DNAH3: variants seen among roughly 807,000 people sequenced by gnomAD.
The protein encoded by DNAH3 is dynein axonemal heavy chain 3.
A neutral mutation model predicts 432.5 loss-of-function variants in DNAH3; 332 were observed. The ratio of observed to expected loss-of-function variants is 0.77; its 90% CI spans 0.70 to 0.84. The LOEUF (loss-of-function observed/expected upper bound fraction) is 0.84, where lower values mean the gene tolerates loss of function less well. DNAH3 is among the 40% of genes least tolerant of loss of function. The pLI is 0.00. For synonymous variants in DNAH3, 1,956 were observed against 1,900.2 expected (o/e 1.03, Z -0.76); for missense variants, 4,861 against 5,114.0 (o/e 0.95, Z 1.51).
rs546771448 is a variant in DNAH3 at position 21,103,307 on chromosome 16, T to C, written c.2366+1164A>G. ...TACCACCTGTTCCCCCAAAAACCTA[T>C]GGAAAAAAAATCAGTTCCATAGAAA... On this transcript the variant is annotated intron_variant, in intron 16 of 61. Transcript: ENST00000261383. Among the ~76,000 whole-genome samples the C allele has an allele frequency of 6.2e-4, 73 of 117,620 alleles. No homozygotes were observed. In the Admixed American group the frequency reaches 8.2e-3, roughly 13 times the overall value. 77.2% of individuals were successfully genotyped at this position (117,620 alleles called of 152,430 possible).
intron 40 of DNAH3, 101 bp downstream of exon 40, chr16:21,021,870 T>G: frequency 7.0e-7 from 1 of 1,426,622 alleles, no homozygotes; most frequent in South Asian, 1.4e-5. Context: ...GCCACTGCAC[T>G]CTAGCCTTGG....
In DNAH3 at chr16:20,954,196, G is replaced by A. The variant is rs549110274; in HGVS notation, c.11071+617C>T. Reference sequence around the variant, plus strand: ...CAAGATCACAACACCACACTCCAGCGTGGGTGACAGAGTGAGACCCTATCT... The same window carrying A: ...CAAGATCACAACACCACACTCCAGCATGGGTGACAGAGTGAGACCCTATCT... On this transcript the variant is annotated intron_variant, in intron 55 of 61. Coordinates refer to ENST00000261383, the Ensembl canonical transcript of DNAH3. 3.3e-3 allele frequency among the ~76,000 whole-genome samples: 462 copies of A among 140,704 alleles called. 4 individuals are homozygous for A. The highest frequency in any genetic ancestry group is 0.012 in the African/African-American group (435 of 37,802). 92.3% of individuals were successfully genotyped at this position (140,704 alleles called of 152,430 possible).
chr16:21,051,742 G>T, exon 29 of DNAH3: 1 of 1,614,024 alleles, frequency 6.2e-7, no homozygotes, highest in Non-Finnish European at 8.5e-7. Flanking sequence ...GCCATACAAG[G>T]CTTCTGTGGT....
chr16:21,054,360 G>A (rs2090060153), intron 28 of DNAH3, 60 bp downstream of exon 28: 1 of 1,294,150 alleles, frequency 7.7e-7, no homozygotes, highest in Non-Finnish European at 1.1e-6. Flanking sequence ...ACTGAGATGA[G>A]CAAGACTAGA....
At chr16:20,958,072 A>ATTT (rs35285615) in intron 54 of DNAH3, among the ~76,000 whole-genome samples, 2 of 138,060 alleles carry the variant, frequency 1.4e-5, no homozygotes, top group Admixed American at 7.4e-5. Context: ...AAACAGTAGA[A>ATTT]TTTTTTTTTT....
At chr16:21,154,471 G>A (rs557385370) in intron 1 of DNAH3, among the ~76,000 whole-genome samples, 5 of 152,124 alleles carry the variant, frequency 3.3e-5, no homozygotes, top group South Asian at 2.1e-4. Flanking sequence ...GTGTGAGTAG[G>A]AGGTATGCTA....
intron 58 of DNAH3, among the ~76,000 whole-genome samples, chr16:20,942,740 T>C (rs1234951911): frequency 6.6e-6 from 1 of 152,072 alleles, no homozygotes; most frequent in Non-Finnish European, 1.5e-5. Context: ...AGGATTTGTT[T>C]CTCTCTTCAT....
chr16:20,989,858 G>A (rs372807089), intron 44 of DNAH3, among the ~76,000 whole-genome samples: 3 of 152,244 alleles, frequency 2.0e-5, no homozygotes, highest in African/African-American at 4.8e-5. Flanking sequence ...GGGGGACCCA[G>A]TACACCCTCC....
chr16:21,115,288 T>C (rs1160511064), intron 12 of DNAH3, among the ~76,000 whole-genome samples: 4 of 151,444 alleles, frequency 2.6e-5, no homozygotes, highest in African/African-American at 7.3e-5. Flanking sequence ...ATATACCTAA[T>C]GTAAATGACG....
intron 37 of DNAH3, among the ~76,000 whole-genome samples, chr16:21,029,941 A>T (rs896056555): frequency 6.6e-6 from 1 of 152,146 alleles, no homozygotes; most frequent in Non-Finnish European, 1.5e-5. Context: ...CTCACACCTC[A>T]GCCTCCTGAG....
chr16:20,951,554 C>T (rs1167482761), intron 56 of DNAH3, among the ~76,000 whole-genome samples: 1 of 151,762 alleles, frequency 6.6e-6, no homozygotes, highest in African/African-American at 2.4e-5. Flanking sequence ...AGCAATCCTC[C>T]CACCTTAGTC....
intron 31 of DNAH3, among the ~76,000 whole-genome samples, chr16:21,043,242 G>A (rs920824100): frequency 1.3e-5 from 2 of 150,454 alleles, no homozygotes; most frequent in African/African-American, 2.5e-5. Context: ...CTGAGGAGTC[G>A]CCACACTGAC....
intron 41 of DNAH3, among the ~76,000 whole-genome samples, chr16:21,016,728 C>T (rs1048590253): frequency 4.6e-5 from 7 of 152,080 alleles, no homozygotes; most frequent in Admixed American, 3.3e-4. Context: ...CAGCTTTATT[C>T]GCAATAGCCA....
chr16:21,091,371 G>GA (rs35140450), intron 18 of DNAH3, among the ~76,000 whole-genome samples: 63 of 146,088 alleles, frequency 4.3e-4, no homozygotes, highest in African/African-American at 9.5e-4. Flanking sequence ...GTAAAAATTG[G>GA]AAAAAAAAAA....
chr16:21,062,816 C>T, intron 24 of DNAH3, 133 bp from the exon 25 acceptor site: 1 of 669,458 alleles, frequency 1.5e-6, no homozygotes, highest in Non-Finnish European at 2.5e-6. Context: ...CAAAGGCCCA[C>T]TCTCTTTTAT....
intron 59 of DNAH3, among the ~76,000 whole-genome samples, chr16:20,938,669 C>CAAAAAA (rs901953556): frequency 7.3e-5 from 6 of 81,898 alleles, no homozygotes; most frequent in Non-Finnish European, 9.7e-5. Context: ...GGTGAAAAGG[C>CAAAAAA]AAAAAAAAAA....
At chr16:21,067,202 C>T in intron 24 of DNAH3, 81 bp downstream of exon 24, 1 of 1,533,136 alleles carries the variant, frequency 6.5e-7, no homozygotes, top group Non-Finnish European at 9.0e-7. Context: ...TGGTTGAAGC[C>T]AACTCTTGGC....
intron 37 of DNAH3, 79 bp downstream of exon 37, chr16:21,030,966 T>C (rs1439614063): frequency 4.2e-6 from 6 of 1,426,974 alleles, no homozygotes; most frequent in Non-Finnish European, 5.9e-6. Context: ...TGTCTCTATA[T>C]AGTTTTGATC....
rs1462055594 is a variant in DNAH3, at chr16:21,121,128, G to A, written c.1585-274C>T. The A allele has an allele frequency of 7.3e-6, 4 of 548,932 alleles. No individual in the cohort carries two copies. In the East Asian group the frequency reaches 1.7e-4, roughly 23 times the overall value. 34.0% of individuals were successfully genotyped at this position (548,932 alleles called of 1,614,324 possible). ...GGAGAGAGTGAGAAGGTGGAAGGGT[G>A]AGGGAGCTAGCCAGCAAGACCCCAC... On this transcript the variant is annotated intron_variant, in intron 10 of 61. Coordinates refer to ENST00000261383, the Ensembl canonical transcript of DNAH3.
Sources: allele counts gnomAD v4.1 joint callset (sites outside exome capture counted in the v4.1 genomes callset), GRCh38; gene constraint gnomAD v4.1.1; transcripts MANE v1.5; gene names NCBI Gene and HGNC (gene_info 2026-07-23, HGNC 2026-07-21).